CTNND2: variants seen among roughly 807,000 people sequenced by gnomAD.
The protein encoded by CTNND2 is catenin delta 2.
CTNND2 carries 22 observed loss-of-function variants against 144.4 expected under a neutral mutation model. That is an observed-to-expected ratio of 0.15 (90% CI 0.11 to 0.22). The LOEUF (loss-of-function observed/expected upper bound fraction) is 0.22. Among genes scored for constraint, CTNND2 ranks in the 10% least tolerant of loss-of-function variants. The pLI is 1.00. For synonymous variants in CTNND2, 751 were observed against 695.6 expected (o/e 1.08, Z -1.25); for missense variants, 1,353 against 1,618.8 (o/e 0.84, Z 2.82).
chr5:11,780,225 C>T (rs1474329180), intron 1 of CTNND2, among the ~76,000 whole-genome samples: 1 of 152,158 alleles, frequency 6.6e-6, no homozygotes, highest in African/African-American at 2.4e-5. Context: ...TCCTCATCTC[C>T]TCTGCTCTTT....
rs551748690 is a variant in CTNND2, at chr5:11,586,579, T to C, written c.175-21523A>G. ...CAACTGGAACTTTTGATCAGACTTA[T>C]TAGATAGGATTTTCCAACTTGGCCA... is the stretch of plus-strand genomic sequence containing the variant. On this transcript the variant is annotated intron_variant, in intron 2 of 21. Transcript: ENST00000304623. Among the ~76,000 whole-genome samples the C allele has an allele frequency of 2.0e-5, 3 of 152,338 alleles. No homozygotes were observed. The East Asian group carries it at 5.8e-4, about 29-fold the overall frequency.
intron 9 of CTNND2, among the ~76,000 whole-genome samples, chr5:11,307,724 T>G (rs1274641486): frequency 1.3e-5 from 2 of 152,180 alleles, no homozygotes; most frequent in Non-Finnish European, 2.9e-5. Flanking sequence ...ACTTATTACT[T>G]TTAAGGGCAA....
intron 2 of CTNND2, among the ~76,000 whole-genome samples, chr5:11,718,713 T>C (rs1281427298): frequency 6.6e-6 from 1 of 152,194 alleles, no homozygotes; most frequent in Non-Finnish European, 1.5e-5. Flanking sequence ...TCAAGGAGCT[T>C]TGAAACGCCT....
At chr5:11,888,016 A>G (rs1049177635) in intron 1 of CTNND2, among the ~76,000 whole-genome samples, 15 of 152,210 alleles carry the variant, frequency 9.9e-5, no homozygotes, top group Admixed American at 5.9e-4. Context: ...ATGCTAAATT[A>G]TATTTTAATG....
chr5:11,046,917 A>C (rs1745323786), intron 16 of CTNND2, among the ~76,000 whole-genome samples: 1 of 152,216 alleles, frequency 6.6e-6, no homozygotes, highest in Non-Finnish European at 1.5e-5. Context: ...GCACTGACGA[A>C]ATGGCAAGCT....
chr5:11,250,000 C>T (rs895411452), intron 9 of CTNND2, among the ~76,000 whole-genome samples: 1 of 152,180 alleles, frequency 6.6e-6, no homozygotes, highest in Non-Finnish European at 1.5e-5. Context: ...AATTATTTCT[C>T]ATTACTAGAC....
chr5:11,436,858 G>A (rs1339163328), intron 3 of CTNND2, among the ~76,000 whole-genome samples: 1 of 152,172 alleles, frequency 6.6e-6, no homozygotes, highest in Non-Finnish European at 1.5e-5. Flanking sequence ...TCAGTTTATT[G>A]ACATTTTGGT....
At chr5:11,637,942 A>T (rs1356850442) in intron 2 of CTNND2, among the ~76,000 whole-genome samples, 1 of 152,176 alleles carries the variant, frequency 6.6e-6, no homozygotes, top group Non-Finnish European at 1.5e-5. Context: ...GAAAACGAAT[A>T]CCGTATCAGT....
intron 1 of CTNND2, among the ~76,000 whole-genome samples, chr5:11,831,876 A>G (rs2126963633): frequency 6.6e-6 from 1 of 152,272 alleles, no homozygotes; most frequent in Non-Finnish European, 1.5e-5. Context: ...TCTAATGTAA[A>G]AGTTAATATG....
At chr5:11,240,117 CACACACCCCCA>C (rs1415647306) in intron 9 of CTNND2, among the ~76,000 whole-genome samples, 8 of 151,150 alleles carry the variant, frequency 5.3e-5, no homozygotes, top group African/African-American at 1.9e-4. Flanking sequence ...AACACACACA[CACACACCCCCA>C]ACACACACAC....
At chr5:11,145,074 A>C (rs1445243265) in intron 12 of CTNND2, among the ~76,000 whole-genome samples, 1 of 152,166 alleles carries the variant, frequency 6.6e-6, no homozygotes, top group Non-Finnish European at 1.5e-5. Flanking sequence ...ACCTCGGTGC[A>C]ACATTTAAGG....
intron 3 of CTNND2, among the ~76,000 whole-genome samples, chr5:11,547,993 C>T (rs1254230635): frequency 6.6e-6 from 1 of 152,014 alleles, no homozygotes; most frequent in African/African-American, 2.4e-5. Context: ...TGCAAATGTT[C>T]TCAGGAGAAA....
At chr5:11,315,760 C>T (rs1344519053) in intron 9 of CTNND2, among the ~76,000 whole-genome samples, 1 of 152,176 alleles carries the variant, frequency 6.6e-6, no homozygotes, top group Admixed American at 6.5e-5. Context: ...GCAGGCTTTA[C>T]CCTACCTATG....
At chr5:11,552,108 A>G (rs1001703254) in intron 3 of CTNND2, among the ~76,000 whole-genome samples, 1 of 152,198 alleles carries the variant, frequency 6.6e-6, no homozygotes, top group Non-Finnish European at 1.5e-5. Context: ...AGAAGGCAAG[A>G]GCCACATCGT....
At chr5:11,743,691 C>G (rs998237334) in intron 1 of CTNND2, among the ~76,000 whole-genome samples, 2 of 152,070 alleles carry the variant, frequency 1.3e-5, no homozygotes, top group Admixed American at 1.3e-4. Context: ...TTCATGGAGG[C>G]GGCTACACAG....
intron 3 of CTNND2, among the ~76,000 whole-genome samples, chr5:11,475,785 C>T (rs1767670281): frequency 6.6e-6 from 1 of 152,110 alleles, no homozygotes; most frequent in East Asian, 1.9e-4. Context: ...AAATAGAAGA[C>T]TTCATGTTGG....
chr5:11,549,714 A>C (rs1775596438), intron 3 of CTNND2, among the ~76,000 whole-genome samples: 1 of 152,138 alleles, frequency 6.6e-6, no homozygotes, highest in Non-Finnish European at 1.5e-5. Flanking sequence ...AATTGTAGGG[A>C]CCTTGAGCAA....
At chr5:11,537,707 C>T (rs1774349372) in intron 3 of CTNND2, among the ~76,000 whole-genome samples, 1 of 152,048 alleles carries the variant, frequency 6.6e-6, no homozygotes, top group Non-Finnish European at 1.5e-5. Context: ...GGGACTCTTC[C>T]CAAGAGTATG....
intron 9 of CTNND2, among the ~76,000 whole-genome samples, chr5:11,302,689 G>A (rs1257644608): frequency 6.6e-6 from 1 of 152,158 alleles, no homozygotes; most frequent in Non-Finnish European, 1.5e-5. Flanking sequence ...AGGAGTCACA[G>A]GACAATTTCA....
Sources: gnomAD v4.1 joint callset for allele counts (sites outside exome capture counted in the v4.1 genomes callset) on GRCh38, gnomAD v4.1.1 for gene constraint, MANE v1.5 for transcripts, NCBI Gene and HGNC (gene_info 2026-07-23, HGNC 2026-07-21) for gene names.